GLIS3: variants seen among roughly 807,000 people sequenced by gnomAD.
GLIS3 encodes zinc finger protein GLIS3.
Under a neutral mutation model 78.6 loss-of-function variants are expected in GLIS3, and 53 were observed. That is an observed-to-expected ratio of 0.67 (90% CI 0.54 to 0.85). The LOEUF (loss-of-function observed/expected upper bound fraction) is 0.85. Ranked by LOEUF, GLIS3 falls within the 40% of genes least tolerant of loss-of-function variation. The pLI is 0.00. For synonymous variants in GLIS3, 684 were observed against 509.9 expected (o/e 1.34, Z -4.60); for missense variants, 1,703 against 1,231.1 (o/e 1.38, Z -5.74).
intron 2 of GLIS3, among the ~76,000 whole-genome samples, chr9:4,340,537 T>A (rs6476849): frequency 2.6e-5 from 4 of 152,098 alleles, no homozygotes; most frequent in Non-Finnish European, 4.4e-5. Flanking sequence ...GGGTCTAGGG[T>A]TAAGCTTCTG....
In GLIS3 at chr9:3,972,539, C is replaced by A. The variant is rs183073367; in HGVS notation, c.1711-35350G>T. Among the ~76,000 whole-genome samples, 386 of 152,186 alleles carry A rather than the reference C, an allele frequency of 2.5e-3. 1 individual carries two copies. Among genetic ancestry groups the A allele is most frequent in the African/African-American group, 8.5e-3 (353 of 41,536 alleles). On this transcript the variant is annotated intron_variant, in intron 4 of 10. Coordinates refer to ENST00000381971, the MANE Select transcript of GLIS3 (RefSeq NM_001042413.2). ...AGCTTCCATATTTCTGGTTTCTTGACTGTAGTTTCAAAAAGGGTTTTTTTT... is the reference window on the plus strand; with the variant it reads ...AGCTTCCATATTTCTGGTTTCTTGAATGTAGTTTCAAAAAGGGTTTTTTTT...
At chr9:4,375,123 A>T in the GLIS3 span, among the ~76,000 whole-genome samples, 7 of 152,202 alleles carry the variant, frequency 4.6e-5, no homozygotes. Flanking sequence ...CACTGTTCTT[A>T]GTCATTTCCC....
intron 2 of GLIS3, among the ~76,000 whole-genome samples, chr9:4,316,948 T>C (rs935990140): frequency 2.5e-5 from 3 of 122,102 alleles, no homozygotes; most frequent in Admixed American, 8.1e-5. Flanking sequence ...GTTGGTAAAA[T>C]TGGTTTTTTA....
chr9:4,135,149 G>A (rs952532952), intron 2 of GLIS3, among the ~76,000 whole-genome samples: 11 of 152,212 alleles, frequency 7.2e-5, no homozygotes, highest in African/African-American at 2.7e-4. Flanking sequence ...CTTAACACAT[G>A]TCAAAGCGTT....
At chr9:4,010,190 T>C (rs1821885713) in intron 4 of GLIS3, among the ~76,000 whole-genome samples, 1 of 152,118 alleles carries the variant, frequency 6.6e-6, no homozygotes, top group Admixed American at 6.5e-5. Context: ...GCCACAGGTA[T>C]AGAGGTCAAG....
chr9:3,878,057 C>T (rs930391099), intron 8 of GLIS3, among the ~76,000 whole-genome samples: 7 of 151,996 alleles, frequency 4.6e-5, no homozygotes, highest in Non-Finnish European at 1.0e-4. Context: ...CTACTGAGAC[C>T]GTCCCTGACG....
At chr9:4,352,498 G>C (rs1168113641), upstream of GLIS3, among the ~76,000 whole-genome samples, 1 of 152,274 alleles carries the variant, frequency 6.6e-6, no homozygotes, top group Non-Finnish European at 1.5e-5. Flanking sequence ...GGCCTTCCCT[G>C]ATTCCCAGGA....
At chr9:3,910,069 G>C (rs1824029996) in intron 6 of GLIS3, among the ~76,000 whole-genome samples, 1 of 152,150 alleles carries the variant, frequency 6.6e-6, no homozygotes, top group African/African-American at 2.4e-5. Context: ...CCTCCATTTA[G>C]AAAGAGTGCT....
rs368773221 is a variant in GLIS3, at chr9:3,855,996, G to C, written c.2473+13C>G. On this transcript the variant is annotated intron_variant, in intron 9 of 10. Coordinates refer to ENST00000381971, the MANE Select transcript of GLIS3 (RefSeq NM_001042413.2). ...CTTTTCAAAACTCAAGGGACTGCCA[G>C]CTTCTTGCTTACCATGGACATGGAT... The C allele has an allele frequency of 2.5e-5, 41 of 1,613,922 alleles. No homozygotes were observed. Among genetic ancestry groups the C allele is most frequent in the Non-Finnish European group, 3.5e-5 (41 of 1,179,912 alleles).
intron 9 of GLIS3, among the ~76,000 whole-genome samples, chr9:3,854,876 T>C (rs1200850824): frequency 1.3e-5 from 2 of 152,160 alleles, no homozygotes; most frequent in East Asian, 1.9e-4. Context: ...CCTAGCTCCA[T>C]AGTACTAGTT....
chr9:4,103,634 T>C (rs1830541942), intron 4 of GLIS3, among the ~76,000 whole-genome samples: 2 of 152,164 alleles, frequency 1.3e-5, no homozygotes, highest in South Asian at 4.1e-4. Context: ...ACTAACACAA[T>C]ACCGTTTCTC....
chr9:4,160,247 C>T (rs1835369985), intron 2 of GLIS3, among the ~76,000 whole-genome samples: 1 of 152,220 alleles, frequency 6.6e-6, no homozygotes, highest in African/African-American at 2.4e-5. Context: ...GGTTTCATTT[C>T]TTCAGAATAA....
At chr9:4,145,305 T>C (rs1467558804) in intron 2 of GLIS3, 2 of 152,166 alleles carry the variant, frequency 1.3e-5, no homozygotes, top group Non-Finnish European at 2.9e-5. Flanking sequence ...ACTGGGAAAA[T>C]ACATCAATAC....
At chr9:4,386,358 T>C in the GLIS3 span, 1 of 148,188 alleles carries the variant, frequency 6.7e-6, no homozygotes, top group African/African-American at 2.5e-5. Context: ...TTTGTTTTTA[T>C]TTTTATTAGT....
At chr9:3,886,077 ATAT>A (rs1389494261) in intron 7 of GLIS3, among the ~76,000 whole-genome samples, 1 of 152,230 alleles carries the variant, frequency 6.6e-6, no homozygotes, top group South Asian at 2.1e-4. Flanking sequence ...TTGGCTACTT[ATAT>A]TATTGTAATT....
the GLIS3 span, among the ~76,000 whole-genome samples, chr9:4,396,590 G>A: frequency 2.0e-5 from 3 of 151,972 alleles, no homozygotes; most frequent in African/African-American, 4.8e-5. Context: ...AAAGATTATC[G>A]AAGACAGACT....
the GLIS3 span, among the ~76,000 whole-genome samples, chr9:4,434,236 T>C: frequency 1.2e-4 from 18 of 152,218 alleles, no homozygotes; most frequent in Non-Finnish European, 2.5e-4. Context: ...ATATGTTTTA[T>C]ATATTTCCAA....
At chr9:4,212,893 A>T (rs1395924372) in intron 2 of GLIS3, among the ~76,000 whole-genome samples, 2 of 152,198 alleles carry the variant, frequency 1.3e-5, no homozygotes, top group African/African-American at 4.8e-5. Context: ...ATGGGGAGGC[A>T]GTGCAGTGTT....
At chr9:4,140,188 G>GA (rs1833703977) in intron 2 of GLIS3, among the ~76,000 whole-genome samples, 1 of 152,126 alleles carries the variant, frequency 6.6e-6, no homozygotes, top group Non-Finnish European at 1.5e-5. Context: ...GCCAGGCATG[G>GA]TGGCGCGTGC....
Sources: gnomAD v4.1 joint callset for allele counts (sites outside exome capture counted in the v4.1 genomes callset) on GRCh38, gnomAD v4.1.1 for gene constraint, MANE v1.5 for transcripts, NCBI Gene and HGNC (gene_info 2026-07-23, HGNC 2026-07-21) for gene names.